The following CNTNAP2 variants were observed in gnomAD, a reference collection of about 807,000 sequenced individuals.
CNTNAP2 encodes the protein contactin associated protein 2, also known as contactin-associated protein-like 2.
CNTNAP2 carries 98 observed loss-of-function variants against 155.2 expected under a neutral mutation model. The observed-to-expected ratio is 0.63, with a 90% CI of 0.54 to 0.75. The LOEUF (loss-of-function observed/expected upper bound fraction) is 0.75, where lower values mean the gene tolerates loss of function less well. CNTNAP2 is among the 30% of genes least tolerant of loss of function. The probability of loss-of-function intolerance (pLI) is 0.00; values close to 1 mark genes in which losing one functional copy is unlikely to be tolerated. For missense variants in CNTNAP2, 1,727 were observed against 1,688.1 expected, an observed-to-expected ratio of 1.02 and a Z score of -0.40; for synonymous variants, 651 against 631.2, an observed-to-expected ratio of 1.03 and a Z score of -0.47.
chr7:147,024,052 T>C (rs1020031431), intron 3 of CNTNAP2, among the ~76,000 whole-genome samples: 2 of 152,202 alleles, frequency 1.3e-5, no homozygotes, highest in East Asian at 1.9e-4. Flanking sequence ...GTCTTTTTTG[T>C]TTTCTTTATA....
Position 146,857,699 on chromosome 7 carries a change from A to G in CNTNAP2, c.402+17795A>G, listed in dbSNP as rs78265087. Among the ~76,000 whole-genome samples the G allele has an allele frequency of 9.6e-3, 1,462 of 152,288 alleles. 26 individuals carry two copies. Among genetic ancestry groups the G allele is most frequent in the African/African-American group, 0.034 (1,410 of 41,558 alleles). On this transcript the variant is annotated intron_variant, in intron 3 of 23. Coordinates refer to ENST00000361727, the MANE Select transcript of CNTNAP2 (RefSeq NM_014141.6). ...ATCCCGTGTGGGTGTCTGAATTGACAGGAGCACGTGGAATATAAGAAAAAA... is the reference window on the plus strand; with the variant it reads ...ATCCCGTGTGGGTGTCTGAATTGACGGGAGCACGTGGAATATAAGAAAAAA...
At chr7:147,591,982 A>G (rs1404756798) in intron 12 of CNTNAP2, among the ~76,000 whole-genome samples, 1 of 152,232 alleles carries the variant, frequency 6.6e-6, no homozygotes, top group Non-Finnish European at 1.5e-5. Flanking sequence ...CATCTATGAA[A>G]AACATTAGCA....
At chr7:146,299,384 T>C (rs953367653) in intron 1 of CNTNAP2, among the ~76,000 whole-genome samples, 28 of 152,144 alleles carry the variant, frequency 1.8e-4, no homozygotes, top group African/African-American at 6.7e-4. Flanking sequence ...CAGAAAAAAG[T>C]CTCAAAGCCA....
At chr7:147,900,284 G>C (rs1483409660) in intron 13 of CNTNAP2, among the ~76,000 whole-genome samples, 2 of 152,146 alleles carry the variant, frequency 1.3e-5, no homozygotes, top group African/African-American at 4.8e-5. Flanking sequence ...TGTGTCAAGG[G>C]GGGGACTTGG....
intron 1 of CNTNAP2, among the ~76,000 whole-genome samples, chr7:146,572,828 T>C (rs368576809): frequency 6.6e-6 from 1 of 152,066 alleles, no homozygotes; most frequent in African/African-American, 2.4e-5. Context: ...CGATATTCTA[T>C]AAAAATGTGG....
chr7:148,319,497 A>G (rs920471975), intron 21 of CNTNAP2, among the ~76,000 whole-genome samples: 1 of 152,166 alleles, frequency 6.6e-6, no homozygotes, highest in Non-Finnish European at 1.5e-5. Flanking sequence ...ACCTAGGGCC[A>G]TGGACACCTA....
At chr7:147,543,189 A>G (rs1380646080) in intron 11 of CNTNAP2, among the ~76,000 whole-genome samples, 1 of 152,252 alleles carries the variant, frequency 6.6e-6, no homozygotes, top group East Asian at 1.9e-4. Flanking sequence ...CTCATGGGAA[A>G]CAAAGGGATG....
At chr7:146,419,521 C>G (rs529480658) in intron 1 of CNTNAP2, among the ~76,000 whole-genome samples, 40 of 152,068 alleles carry the variant, frequency 2.6e-4, no homozygotes, top group Middle Eastern at 3.4e-3. Flanking sequence ...CATTTTAATT[C>G]CAATTATTAT....
At chr7:148,106,019 G>C (rs1585128265) in intron 15 of CNTNAP2, among the ~76,000 whole-genome samples, 1 of 152,232 alleles carries the variant, frequency 6.6e-6, no homozygotes, top group Admixed American at 6.5e-5. Context: ...AGCCAAGGCA[G>C]CAGAAGGAAT....
Position 148,229,697 on chromosome 7 carries a change from T to C in CNTNAP2, c.3299T>C (p.Ile1100Thr), listed in dbSNP as rs75849462. The C allele has an allele frequency of 6.2e-7, 1 of 1,614,210 alleles. No homozygotes were observed. The highest frequency in any genetic ancestry group is 1.3e-5 in the African/African-American group (1 of 75,062). The change falls in exon 20 of 24, where the codon ATT (isoleucine) becomes ACT (threonine). Residue 1100 changes from isoleucine to threonine, a missense_variant. Physicochemically the swap from Ile to Thr is moderately conservative, Grantham distance 89 (BLOSUM62 -1). Transcript: ENST00000361727. ...NLGGTREPYN[I>T]DVDHRNMANG... ...GGTGGCACCCGAGAGCCATACAATA[T>C]TGACGTAGACCACAGGAACATGGCC...
chr7:147,653,699 G>A (rs1463997475), intron 13 of CNTNAP2, among the ~76,000 whole-genome samples: 1 of 152,124 alleles, frequency 6.6e-6, no homozygotes, highest in Non-Finnish European at 1.5e-5. Context: ...AGGCCCTGGT[G>A]GACAGCAACA....
At chr7:148,374,214 G>C (rs1371761715) in intron 21 of CNTNAP2, among the ~76,000 whole-genome samples, 3 of 150,942 alleles carry the variant, frequency 2.0e-5, no homozygotes, top group Non-Finnish European at 3.0e-5. Flanking sequence ...TTCTTCTCTT[G>C]GGTAAGATAG....
intron 13 of CNTNAP2, among the ~76,000 whole-genome samples, chr7:147,852,712 T>C (rs1383336695): frequency 6.6e-6 from 1 of 152,176 alleles, no homozygotes; most frequent in Non-Finnish European, 1.5e-5. Flanking sequence ...ACCTATTGAT[T>C]TTCTTTCTTT....
rs112997649 is a variant in CNTNAP2, at chr7:147,586,358, A to G, written c.1897+24101A>G. Reference sequence around the variant, plus strand: ...CCTGAATTTCAAAAGAAAGGAGGGTATAAGGAGGCTTATCTGACTCTTCCT... The same window carrying G: ...CCTGAATTTCAAAAGAAAGGAGGGTGTAAGGAGGCTTATCTGACTCTTCCT... On this transcript the variant is annotated intron_variant, in intron 12 of 23. Transcript: ENST00000361727. Among the ~76,000 whole-genome samples, 15 of 152,082 alleles carry G rather than the reference A, an allele frequency of 9.9e-5. 1 individual carries two copies. Among genetic ancestry groups the G allele is most frequent in the African/African-American group, 3.4e-4 (14 of 41,498 alleles).
At chr7:148,253,031 TA>T (rs373843050) in intron 20 of CNTNAP2, among the ~76,000 whole-genome samples, 26 of 94,380 alleles carry the variant, frequency 2.8e-4, no homozygotes, top group Non-Finnish European at 2.1e-4. Flanking sequence ...GATAGATAGA[TA>T]GATAGATAGA....
chr7:148,319,691 C>T (rs928006394), intron 21 of CNTNAP2, among the ~76,000 whole-genome samples: 14 of 151,618 alleles, frequency 9.2e-5, no homozygotes, highest in East Asian at 1.9e-4. Flanking sequence ...ACTGTGCATG[C>T]GAGGGATCTA....
At chr7:147,671,498 CT>C (rs1309759611) in intron 13 of CNTNAP2, among the ~76,000 whole-genome samples, 1 of 151,568 alleles carries the variant, frequency 6.6e-6, no homozygotes, top group African/African-American at 2.4e-5. Flanking sequence ...TGACGTTTAT[CT>C]GAGAAAAAGA....
chr7:146,224,363 A>G (rs1341427916), intron 1 of CNTNAP2, among the ~76,000 whole-genome samples: 8 of 151,778 alleles, frequency 5.3e-5, no homozygotes, highest in Admixed American at 4.0e-4. Context: ...CGATTATGAC[A>G]TGTTGTCCCA....
At chr7:147,561,128 C>G (rs1322812534) in intron 11 of CNTNAP2, among the ~76,000 whole-genome samples, 1 of 151,892 alleles carries the variant, frequency 6.6e-6, no homozygotes, top group African/African-American at 2.4e-5. Flanking sequence ...ATTCTAGGAC[C>G]ATGCAATTAT....
Sources: allele counts gnomAD v4.1 joint callset (sites outside exome capture counted in the v4.1 genomes callset), GRCh38; gene constraint gnomAD v4.1.1; transcripts MANE v1.5; gene names NCBI Gene and HGNC (gene_info 2026-07-23, HGNC 2026-07-21).